TRIM44: variants seen among roughly 807,000 people sequenced by gnomAD.
TRIM44 encodes the protein tripartite motif containing 44.
TRIM44 carries 13 observed loss-of-function variants against 37.4 expected under a neutral mutation model. The observed-to-expected ratio is 0.35, with a 90% CI of 0.23 to 0.55. The LOEUF is 0.55. Among genes scored for constraint, TRIM44 ranks in the 20% least tolerant of loss-of-function variants. TRIM44 has a pLI of 0.89. For missense variants in TRIM44, 426 were observed against 437.2 expected (o/e 0.97, Z 0.23); for synonymous variants, 175 against 157.2 (o/e 1.11, Z -0.85).
chr11:35,771,137 A>G lies in TRIM44; in HGVS notation c.1008-35221A>G, dbSNP rs187138496. On this transcript the variant is annotated intron_variant, in intron 4 of 4. Coordinates refer to ENST00000299413, the MANE Select transcript of TRIM44 (RefSeq NM_017583.6). Reference sequence around the variant, plus strand: ...GGAGGGCTCACAAGAAGACAGGGAAATGTGGGAAAGTTTGGAACTTCCTAG... The same window carrying G: ...GGAGGGCTCACAAGAAGACAGGGAAGTGTGGGAAAGTTTGGAACTTCCTAG... Among the ~76,000 whole-genome samples, 237 of 152,302 alleles carry G rather than the reference A, an allele frequency of 1.6e-3. 2 individuals carry two copies. Among genetic ancestry groups the G allele is most frequent in the African/African-American group, 5.4e-3 (226 of 41,566 alleles).
At chr11:35,797,680 G>A (rs1353827793) in intron 4 of TRIM44, among the ~76,000 whole-genome samples, 1 of 152,170 alleles carries the variant, frequency 6.6e-6, no homozygotes, top group Non-Finnish European at 1.5e-5. Flanking sequence ...TTCCGATTGA[G>A]GGACATTCTG....
chr11:35,729,808 T>G (rs1852230927), intron 3 of TRIM44, among the ~76,000 whole-genome samples: 1 of 152,196 alleles, frequency 6.6e-6, no homozygotes, highest in South Asian at 2.1e-4. Context: ...GAACTAGGTT[T>G]TTATAATATA....
At chr11:35,777,762 T>G (rs1852992097) in intron 4 of TRIM44, among the ~76,000 whole-genome samples, 1 of 152,226 alleles carries the variant, frequency 6.6e-6, no homozygotes, top group Admixed American at 6.5e-5. Context: ...ATTCTTTTCT[T>G]TTAGAATTTT....
rs753844408 is a variant in TRIM44, at chr11:35,663,470, A to G, written c.359A>G (p.Glu120Gly). The change falls in exon 1 of 5, where the codon GAG (glutamate) becomes GGG (glycine). Residue 120 changes from glutamate (E) to glycine (G), a missense_variant. Coordinates refer to ENST00000299413, the MANE Select transcript of TRIM44 (RefSeq NM_017583.6). ...GAGACAGAGGAAGAGAGTGAGGATG[A>G]GAGCGATGAGGAGAGTGAAGAAGAC... ...ESETEEESED[E>G]SDEESEEDSE... 5.1e-6 allele frequency: 8 copies of G among 1,566,276 alleles called. No individual in the cohort carries two copies. The highest frequency in any genetic ancestry group is 8.7e-7 in the Non-Finnish European group (1 of 1,154,912).
At chr11:35,717,829 ATTT>A (rs112299891) in intron 2 of TRIM44, among the ~76,000 whole-genome samples, 41 of 146,318 alleles carry the variant, frequency 2.8e-4, no homozygotes, top group African/African-American at 9.2e-4. Flanking sequence ...TCAGAGCCTC[ATTT>A]TTTTTTTTTA....
chr11:35,777,429 A>C (rs906790102), intron 4 of TRIM44, among the ~76,000 whole-genome samples: 31 of 152,162 alleles, frequency 2.0e-4, no homozygotes, highest in African/African-American at 7.2e-4. Context: ...TGTGTCTTTT[A>C]ATTGGAACAT....
intron 4 of TRIM44, among the ~76,000 whole-genome samples, chr11:35,761,136 A>G (rs1302386950): frequency 6.6e-6 from 1 of 151,970 alleles, no homozygotes; most frequent in Non-Finnish European, 1.5e-5. Flanking sequence ...CCCTTTTTTT[A>G]TGGCCAACTA....
At chr11:35,731,415 A>G (rs1167105215) in intron 3 of TRIM44, among the ~76,000 whole-genome samples, 1 of 152,106 alleles carries the variant, frequency 6.6e-6, no homozygotes, top group Non-Finnish European at 1.5e-5. Flanking sequence ...CTAACCTTGC[A>G]TTTCTGAGAT....
intron 4 of TRIM44, 97 bp downstream of exon 4, chr11:35,735,542 G>A: frequency 1.7e-6 from 2 of 1,202,862 alleles, no homozygotes; most frequent in Non-Finnish European, 2.5e-6. Flanking sequence ...CCAAGGAACA[G>A]CACAGAAAAG....
rs1851906840 is a variant in TRIM44 at position 35,707,606 on chromosome 11, C to A, written c.748-18318C>A. 2.7e-5 allele frequency among the ~76,000 whole-genome samples: 4 copies of A among 147,570 alleles called. No individual in the cohort carries two copies. The South Asian group carries it at 8.7e-4, about 32-fold the overall frequency. On this transcript the variant is annotated intron_variant, in intron 2 of 4. Coordinates refer to ENST00000299413, the MANE Select transcript of TRIM44 (RefSeq NM_017583.6). ...CAGAAAAGAGCCCTCAGAAATAACG[C>A]CGCATATCTACAACTATCTGTTCTT...
intron 4 of TRIM44, among the ~76,000 whole-genome samples, chr11:35,783,944 G>C (rs555497776): frequency 1.3e-5 from 2 of 152,202 alleles, no homozygotes; most frequent in African/African-American, 2.4e-5. Flanking sequence ...GCCAGCAAAG[G>C]TTGCAGATGT....
At chr11:35,735,236 A>C (rs907302174) in intron 3 of TRIM44, among the ~76,000 whole-genome samples, 190 bp from the exon 4 acceptor site, 8 of 152,164 alleles carry the variant, frequency 5.3e-5, no homozygotes, top group Non-Finnish European at 1.0e-4. Flanking sequence ...GGTCATCTCC[A>C]CTGGGCAGTT....
In TRIM44 at chr11:35,663,098, G is replaced by T; in HGVS notation, c.-14G>T. The T allele has an allele frequency of 6.7e-7, 1 of 1,499,974 alleles. No individual in the cohort carries two copies. The highest frequency in any genetic ancestry group is 1.4e-5 in the South Asian group (1 of 73,862). 92.9% of individuals were successfully genotyped at this position (1,499,974 alleles called of 1,614,324 possible). ...CCCGGGGCCCCGAGGCCTTGGCCGC[G>T]TCACAGCACCCACATGGCCTCTGGA... On this transcript the variant is annotated 5_prime_UTR_variant, in exon 1 of 5. Transcript: ENST00000299413.
chr11:35,702,986 G>A (rs1385132389), intron 2 of TRIM44, among the ~76,000 whole-genome samples: 1 of 152,204 alleles, frequency 6.6e-6, no homozygotes. Flanking sequence ...AAGGGGTCAG[G>A]GAGTTCCCTT....
At chr11:35,793,763 C>T (rs991633704) in intron 4 of TRIM44, among the ~76,000 whole-genome samples, 1 of 152,092 alleles carries the variant, frequency 6.6e-6, no homozygotes, top group African/African-American at 2.4e-5. Flanking sequence ...TCCTCATTGC[C>T]CGGGGCCAAA....
intron 4 of TRIM44, among the ~76,000 whole-genome samples, chr11:35,737,340 A>C (rs1168251639): frequency 6.6e-6 from 1 of 152,148 alleles, no homozygotes; most frequent in African/African-American, 2.4e-5. Context: ...TGCATTTTAG[A>C]AGTGTCTCCT....
intron 2 of TRIM44, among the ~76,000 whole-genome samples, chr11:35,709,671 T>C (rs919324437): frequency 2.6e-5 from 4 of 151,892 alleles, no homozygotes; most frequent in Non-Finnish European, 5.9e-5. Context: ...TCCGTGGGGC[T>C]CCAAAATCCA....
chr11:35,724,133 C>T (rs1018541804), intron 2 of TRIM44: 2 of 152,096 alleles, frequency 1.3e-5, no homozygotes, highest in African/African-American at 4.8e-5. Flanking sequence ...GTCATACAGG[C>T]CTTATTTTGC....
At chr11:35,778,966 C>T in intron 4 of TRIM44, among the ~76,000 whole-genome samples, 1 of 152,242 alleles carries the variant, frequency 6.6e-6, no homozygotes, top group Non-Finnish European at 1.5e-5. Context: ...CCACTACTCT[C>T]TTCAAAGCTG....
Sources: allele counts gnomAD v4.1 joint callset (sites outside exome capture counted in the v4.1 genomes callset), GRCh38; gene constraint gnomAD v4.1.1; transcripts MANE v1.5; gene names NCBI Gene and HGNC (gene_info 2026-07-23, HGNC 2026-07-21).